MALRD1: variants seen among roughly 807,000 people sequenced by gnomAD.
MALRD1 encodes MAM and LDL-receptor class A domain-containing protein 1.
Under a neutral mutation model 242.1 loss-of-function variants are expected in MALRD1, and 247 were observed. The ratio of observed to expected loss-of-function variants is 1.02; its 90% CI spans 0.92 to 1.13. MALRD1 has a LOEUF of 1.13. MALRD1 is among the 50% of genes most tolerant of loss of function. MALRD1 has a pLI of 0.00. For synonymous variants in MALRD1, 995 were observed against 866.6 expected, an observed-to-expected ratio of 1.15 and a Z score of -2.60; for missense variants, 2,989 against 2,533.1, an observed-to-expected ratio of 1.18 and a Z score of -3.86.
chr10:19,473,228 C>G (rs188220844), intron 29 of MALRD1, among the ~76,000 whole-genome samples: 1 of 150,778 alleles, frequency 6.6e-6, no homozygotes, highest in Non-Finnish European at 1.5e-5. Flanking sequence ...GAGGTTATGA[C>G]GTATACCCTG....
intron 21 of MALRD1, among the ~76,000 whole-genome samples, chr10:19,321,325 A>T (rs1229727714): frequency 6.6e-6 from 1 of 152,118 alleles, no homozygotes; most frequent in Non-Finnish European, 1.5e-5. Flanking sequence ...AATTTGTTTG[A>T]TAATTCACAC....
At chr10:19,722,619 A>AAAAG (rs57292963) in intron 38 of MALRD1, 8 of 144,482 alleles carry the variant, frequency 5.5e-5, no homozygotes, top group African/African-American at 7.7e-5. Flanking sequence ...AAAAAAAAAA[A>AAAAG]GGTGGAAAAA....
At chr10:19,098,116 C>T (rs773951479) in intron 4 of MALRD1, among the ~76,000 whole-genome samples, 3 of 152,146 alleles carry the variant, frequency 2.0e-5, no homozygotes, top group African/African-American at 7.2e-5. Flanking sequence ...GACTTCTTTT[C>T]GGTAACACTT....
rs376760637 is a variant in MALRD1 at position 19,504,150 on chromosome 10, A to G, written c.5320+5504A>G. ...TGCAGGTTATGCAGATGATAACTGTACTTCCTATGGGCAGACAGGATGGAT... is the reference window on the plus strand; with the variant it reads ...TGCAGGTTATGCAGATGATAACTGTGCTTCCTATGGGCAGACAGGATGGAT... On this transcript the variant is annotated intron_variant, in intron 31 of 39. Coordinates refer to ENST00000454679, the MANE Select transcript of MALRD1 (RefSeq NM_001142308.3). Among the ~76,000 whole-genome samples, 317 of 152,346 alleles carry G rather than the reference A, an allele frequency of 2.1e-3. 1 individual carries two copies. Among genetic ancestry groups the G allele is most frequent in the African/African-American group, 6.2e-3 (258 of 41,580 alleles).
At chr10:19,676,108 G>T (rs942446168) in intron 36 of MALRD1, among the ~76,000 whole-genome samples, 3 of 152,212 alleles carry the variant, frequency 2.0e-5, no homozygotes, top group Non-Finnish European at 2.9e-5. Flanking sequence ...TTGAATAAGA[G>T]TAGAGGGTTT....
intron 38 of MALRD1, among the ~76,000 whole-genome samples, chr10:19,700,689 A>T (rs1564552300): frequency 6.6e-6 from 1 of 152,046 alleles, no homozygotes; most frequent in Non-Finnish European, 1.5e-5. Flanking sequence ...CCTTTCCTTC[A>T]TACCTTCTCT....
rs1378218143 is a variant in MALRD1, at chr10:19,352,204, G to A, written c.4348G>A (p.Gly1450Arg). Residue 1450 changes from glycine to arginine, a missense_variant, in exon 26 of 40, where the codon GGA (glycine) becomes AGA (arginine). By Grantham distance (125) the Gly-to-Arg change is moderately radical. Coordinates refer to ENST00000454679, the MANE Select transcript of MALRD1 (RefSeq NM_001142308.3). ...AGGTAGAGTTGGGAAAGGTCAGCGT[G>A]GAGACATTGCACTTGATGACATTGT... ...FEGRVGKGQR[G>R]DIALDDIVLT... The A allele has an allele frequency of 6.5e-7, 1 of 1,550,378 alleles. No individual in the cohort carries two copies. The highest frequency in any genetic ancestry group is 1.4e-5 in the African/African-American group (1 of 73,116).
intron 31 of MALRD1, among the ~76,000 whole-genome samples, chr10:19,527,207 A>G (rs1020963128): frequency 6.6e-6 from 1 of 152,156 alleles, no homozygotes; most frequent in Non-Finnish European, 1.5e-5. Context: ...TGAGAACTCT[A>G]AAGATGTTGT....
intron 30 of MALRD1, among the ~76,000 whole-genome samples, chr10:19,496,179 A>C (rs577961817): frequency 1.2e-4 from 18 of 152,176 alleles, no homozygotes; most frequent in Non-Finnish European, 2.2e-4. Context: ...GAAAATTAAC[A>C]AAGATATTCA....
At chr10:19,562,024 C>T (rs867492720) in intron 32 of MALRD1, among the ~76,000 whole-genome samples, 3 of 152,120 alleles carry the variant, frequency 2.0e-5, no homozygotes, top group Non-Finnish European at 1.5e-5. Context: ...TGGGGCCAGG[C>T]GCAGTGGCTT....
intron 9 of MALRD1, 110 bp from the exon 10 acceptor site, chr10:19,136,464 T>G: frequency 3.6e-6 from 2 of 548,272 alleles, no homozygotes; most frequent in Non-Finnish European, 5.5e-6. Context: ...TTGCCTTGGT[T>G]GCTTTAAACA....
At chr10:19,098,925 A>G (rs1836144427) in intron 4 of MALRD1, among the ~76,000 whole-genome samples, 1 of 152,132 alleles carries the variant, frequency 6.6e-6, no homozygotes, top group Non-Finnish European at 1.5e-5. Context: ...GATTGGTCAG[A>G]CTAGGTGTGT....
intron 26 of MALRD1, among the ~76,000 whole-genome samples, chr10:19,369,328 A>C (rs977996074): frequency 1.4e-5 from 2 of 147,020 alleles, no homozygotes; most frequent in African/African-American, 4.9e-5. Flanking sequence ...TAAAATATAT[A>C]AATATAAAAT....
At chr10:19,522,280 T>C (rs1344819912) in intron 31 of MALRD1, among the ~76,000 whole-genome samples, 1 of 152,154 alleles carries the variant, frequency 6.6e-6, no homozygotes, top group Non-Finnish European at 1.5e-5. Flanking sequence ...CAATACTTCA[T>C]TGTACCATTG....
At chr10:19,324,609 TAA>T (rs397707570) in intron 22 of MALRD1, among the ~76,000 whole-genome samples, 48 of 149,402 alleles carry the variant, frequency 3.2e-4, no homozygotes, top group East Asian at 1.2e-3. Context: ...ATTTTTTTTT[TAA>T]AAAAAAACGA....
intron 28 of MALRD1, among the ~76,000 whole-genome samples, chr10:19,401,260 G>C (rs923366092): frequency 6.6e-6 from 1 of 152,016 alleles, no homozygotes; most frequent in Non-Finnish European, 1.5e-5. Context: ...ATTTAACATA[G>C]CACTGCTTTC....
intron 36 of MALRD1, among the ~76,000 whole-genome samples, chr10:19,620,972 C>T (rs1254312354): frequency 1.3e-5 from 2 of 150,208 alleles, no homozygotes; most frequent in East Asian, 2.0e-4. Context: ...AATTTCTCTC[C>T]AGTTTATAGG....
At chr10:19,203,245 T>C (rs1443428829) in intron 14 of MALRD1, among the ~76,000 whole-genome samples, 1 of 152,204 alleles carries the variant, frequency 6.6e-6, no homozygotes, top group Admixed American at 6.5e-5. Context: ...TTGTGAAATA[T>C]TAAGCTCTAT....
intron 36 of MALRD1, among the ~76,000 whole-genome samples, chr10:19,660,989 C>A (rs1012894774): frequency 1.3e-5 from 2 of 152,170 alleles, no homozygotes; most frequent in African/African-American, 4.8e-5. Flanking sequence ...TGAACAGACA[C>A]TTCTTGAAAG....
Sources: allele counts gnomAD v4.1 joint callset (sites outside exome capture counted in the v4.1 genomes callset), GRCh38; gene constraint gnomAD v4.1.1; transcripts MANE v1.5; gene names NCBI Gene and HGNC (gene_info 2026-07-23, HGNC 2026-07-21).